Variants in SPATA45 observed in about 807,000 individuals in gnomAD.
SPATA45 encodes spermatogenesis-associated protein 45.
In SPATA45, 5 loss-of-function variants were observed where a neutral mutation model predicts 7.0. The observed-to-expected ratio is 0.71, with a 90% CI of 0.37 to 1.50. The LOEUF (loss-of-function observed/expected upper bound fraction) is 1.50. SPATA45 is among the 40% of genes most tolerant of loss of function. The pLI, the probability that SPATA45 is intolerant of heterozygous loss-of-function variation, is 0.03. For missense variants in SPATA45, 111 were observed against 114.9 expected (o/e 0.97, Z 0.16); for synonymous variants, 40 against 38.7 (o/e 1.03, Z -0.13).
chr1:212,839,617 CAA>C (rs35037485), intron 1 of SPATA45, among the ~76,000 whole-genome samples: 2,147 of 137,802 alleles, frequency 0.016, 46 homozygotes, highest in African/African-American at 0.045. Flanking sequence ...GACCCTATGT[CAA>C]AAAAAAAAAA....
intron 1 of SPATA45, among the ~76,000 whole-genome samples, chr1:212,847,171 G>A (rs550899373): frequency 3.3e-5 from 5 of 152,282 alleles, no homozygotes; most frequent in South Asian, 2.1e-4. Context: ...GATTACAGGC[G>A]TGAGCAACTG....
chr1:212,833,002 A>T (rs1193423773), intron 2 of SPATA45, among the ~76,000 whole-genome samples: 1 of 151,696 alleles, frequency 6.6e-6, no homozygotes, highest in Non-Finnish European at 1.5e-5. Context: ...CCTAGCCTTC[A>T]TTAGGGAGTG....
chr1:212,830,800 T>C (rs1663472521), intron 2 of SPATA45, among the ~76,000 whole-genome samples: 1 of 150,692 alleles, frequency 6.6e-6, no homozygotes, highest in African/African-American at 2.4e-5. Context: ...GGCCAACATG[T>C]TGAAACCCCC....
At chr1:212,833,300 G>T (rs769914645) in intron 2 of SPATA45, among the ~76,000 whole-genome samples, 1 of 151,420 alleles carries the variant, frequency 6.6e-6, no homozygotes, top group Admixed American at 6.6e-5. Flanking sequence ...TCATAGCTTA[G>T]CTCCCACTTA....
chr1:212,836,884 C>T (rs1558096893), intron 1 of SPATA45, among the ~76,000 whole-genome samples: 1 of 148,408 alleles, frequency 6.7e-6, no homozygotes, highest in African/African-American at 2.5e-5. Flanking sequence ...GTCTCGAACT[C>T]CTGAAGTTGT....
intron 2 of SPATA45, among the ~76,000 whole-genome samples, chr1:212,831,475 A>G: frequency 1.0e-5 from 1 of 96,850 alleles, no homozygotes; most frequent in Non-Finnish European, 2.1e-5. Flanking sequence ...TCTGCCTCTA[A>G]AAAAAAAAAA....
chr1:212,836,428 T>G (rs1663587197), intron 1 of SPATA45, among the ~76,000 whole-genome samples: 1 of 151,550 alleles, frequency 6.6e-6, no homozygotes, highest in Non-Finnish European at 1.5e-5. Flanking sequence ...CCTTCCAGAT[T>G]CAAGTGATTC....
chr1:212,842,951 G>C (rs893413006), intron 1 of SPATA45, among the ~76,000 whole-genome samples: 1 of 133,500 alleles, frequency 7.5e-6, no homozygotes, highest in Non-Finnish European at 1.7e-5. Context: ...AAAAAAATTA[G>C]CTGGGCGTGG....
At chr1:212,839,345 G>T (rs1251495191) in intron 1 of SPATA45, among the ~76,000 whole-genome samples, 1 of 150,986 alleles carries the variant, frequency 6.6e-6, no homozygotes, top group Non-Finnish European at 1.5e-5. Flanking sequence ...GGCTAGGTAT[G>T]GTGGCTCATG....
At chr1:212,841,961 A>G (rs891457825) in intron 1 of SPATA45, among the ~76,000 whole-genome samples, 2 of 151,500 alleles carry the variant, frequency 1.3e-5, no homozygotes, top group African/African-American at 4.8e-5. Flanking sequence ...GGTTTTCACC[A>G]TGTTGGCCAG....
At chr1:212,843,899 AC>A (rs1345003876) in intron 1 of SPATA45, among the ~76,000 whole-genome samples, 1 of 152,106 alleles carries the variant, frequency 6.6e-6, no homozygotes, top group Non-Finnish European at 1.5e-5. Context: ...GTAGTGCCAA[AC>A]CCATATACTC....
rs976885918 is a variant in SPATA45 at position 212,831,095 on chromosome 1, G to A, written c.278-834C>T. Among the ~76,000 whole-genome samples the A allele has an allele frequency of 1.6e-4, 24 of 150,416 alleles. 1 individual carries two copies. Among genetic ancestry groups the A allele is most frequent in the African/African-American group, 5.4e-4 (22 of 41,072 alleles). On this transcript the variant is annotated intron_variant, in intron 2 of 2. Coordinates refer to ENST00000332912, the MANE Select transcript of SPATA45 (RefSeq NM_001024601.3). ...GCAGAGGTTGCAGTGAGCCAAGATC[G>A]AGCCACTGCACTACAGCCTGTGACA...
intron 1 of SPATA45, 98 bp from the exon 2 acceptor site, chr1:212,836,285 A>G (rs1663583223): frequency 5.4e-6 from 5 of 921,910 alleles, no homozygotes; most frequent in Non-Finnish European, 6.5e-6. Flanking sequence ...CTTCTATAAA[A>G]TAACACCACA....
chr1:212,838,744 C>G (rs531775080), intron 1 of SPATA45, among the ~76,000 whole-genome samples: 1 of 151,700 alleles, frequency 6.6e-6, no homozygotes, highest in Admixed American at 6.6e-5. Context: ...TTCTGTCACC[C>G]AGGCTAGAGT....
At position 212,835,866 on chromosome 1, in the gene SPATA45, T is replaced by G. The variant is rs1369282133; in HGVS notation, c.277+7A>C. 6.3e-7 allele frequency: 1 copy of G among 1,577,096 alleles called. No homozygotes were observed. Among genetic ancestry groups the G allele is most frequent in the African/African-American group, 1.4e-5 (1 of 72,876 alleles). On this transcript the variant is annotated splice_region_variant and intron_variant, in intron 2 of 2. Coordinates refer to ENST00000332912, the MANE Select transcript of SPATA45 (RefSeq NM_001024601.3). Reference sequence around the variant, plus strand: ...AAAAAAAAAAAAATCCTATGATAACTTCTTACTTTTTGGTGGAAAGTGCTT... The same window carrying G: ...AAAAAAAAAAAAATCCTATGATAACGTCTTACTTTTTGGTGGAAAGTGCTT...
At chr1:212,832,718 C>A (rs781179466) in intron 2 of SPATA45, among the ~76,000 whole-genome samples, 1 of 151,490 alleles carries the variant, frequency 6.6e-6, no homozygotes, top group Non-Finnish European at 1.5e-5. Context: ...TATTATTACC[C>A]TCCTGCATTT....
intron 1 of SPATA45, among the ~76,000 whole-genome samples, chr1:212,845,578 AC>A (rs1663778428): frequency 6.6e-6 from 1 of 152,142 alleles, no homozygotes; most frequent in African/African-American, 2.4e-5. Flanking sequence ...TCCTGGTTTT[AC>A]CTCAAATCGC....
chr1:212,830,948 A>T (rs1268626356), intron 2 of SPATA45, among the ~76,000 whole-genome samples: 1 of 151,298 alleles, frequency 6.6e-6, no homozygotes, highest in Non-Finnish European at 1.5e-5. Flanking sequence ...GCAACACTGC[A>T]TTCCAGCCTG....
At chr1:212,841,631 C>CTTTTTTTTTTTT (rs5780702) in intron 1 of SPATA45, among the ~76,000 whole-genome samples, 2 of 125,224 alleles carry the variant, frequency 1.6e-5, no homozygotes, top group Non-Finnish European at 3.3e-5. Flanking sequence ...AGGTATCTTT[C>CTTTTTTTTTTTT]TTTTTTTTTT....
Sources: gnomAD v4.1 joint callset for allele counts (sites outside exome capture counted in the v4.1 genomes callset) on GRCh38, gnomAD v4.1.1 for gene constraint, MANE v1.5 for transcripts, NCBI Gene and HGNC (gene_info 2026-07-23, HGNC 2026-07-21) for gene names.